RPS6KA5: variants seen among roughly 807,000 people sequenced by gnomAD.
RPS6KA5 encodes ribosomal protein S6 kinase alpha-5.
In RPS6KA5, 27 loss-of-function variants were observed where a neutral mutation model predicts 85.5. The ratio of observed to expected loss-of-function variants is 0.32; its 90% confidence interval spans 0.23 to 0.44. The LOEUF (loss-of-function observed/expected upper bound fraction) is 0.44. RPS6KA5 is among the 20% of genes least tolerant of loss of function. The pLI is 1.00. For missense variants in RPS6KA5, 811 were observed against 980.9 expected (o/e 0.83, Z 2.31); for synonymous variants, 334 against 348.2 (o/e 0.96, Z 0.46).
In RPS6KA5 at chr14:91,060,333, AGTCCGCAGCTC is replaced by A; in HGVS notation, c.91_101del (p.Glu31CysfsTer2). 7.3e-7 allele frequency: 1 copy of A among 1,378,300 alleles called. No homozygotes were observed. Among genetic ancestry groups the A allele is most frequent in the Non-Finnish European group, 9.5e-7 (1 of 1,056,012 alleles). The allele number at this position is 1,378,300 out of a possible 1,614,324, so 85.4% of individuals were successfully genotyped here. A position where few individuals can be genotyped will look rare whatever the true frequency, so the allele number is the denominator to read the frequency against. The stretch of plus-strand genomic sequence containing the variant: ...CCGGCAGAGGGCGGGGTCGCTCACC[AGTCCGCAGCTC>A]GTGCTTGACAGTGAGGAGCTGCTCT... On this transcript the variant is annotated frameshift_variant and splice_region_variant, in exon 1 of 17. Transcript: ENST00000614987. LOFTEE classifies it high-confidence loss of function.
intron 7 of RPS6KA5, among the ~76,000 whole-genome samples, chr14:90,918,362 C>T (rs1361534162): frequency 6.6e-6 from 1 of 152,116 alleles, no homozygotes; most frequent in Non-Finnish European, 1.5e-5. Context: ...AATTTTTTGC[C>T]CATTTTTAAA....
chr14:90,909,158 T>C, intron 7 of RPS6KA5, among the ~76,000 whole-genome samples: 1 of 152,156 alleles, frequency 6.6e-6, no homozygotes. Context: ...ACTGCAGAAG[T>C]GGGGCTGAGG....
intron 2 of RPS6KA5, among the ~76,000 whole-genome samples, chr14:90,987,941 T>C (rs1278531106): frequency 6.6e-6 from 1 of 152,026 alleles, no homozygotes; most frequent in Non-Finnish European, 1.5e-5. Flanking sequence ...CAAGGTTCTA[T>C]GTTGTATGGT....
intron 1 of RPS6KA5, among the ~76,000 whole-genome samples, chr14:91,003,851 A>G (rs912850199): frequency 6.6e-6 from 1 of 152,110 alleles, no homozygotes; most frequent in Non-Finnish European, 1.5e-5. Context: ...TTCCACCTCA[A>G]GTTTCTGATA....
At chr14:90,883,328 TTC>T (rs1367415153) in intron 14 of RPS6KA5, among the ~76,000 whole-genome samples, 3 of 152,208 alleles carry the variant, frequency 2.0e-5, no homozygotes, top group Admixed American at 6.5e-5. Flanking sequence ...TTTTTCATTT[TTC>T]TCTCTGTTCC....
chr14:90,880,648 T>C (rs2033776604), intron 14 of RPS6KA5, among the ~76,000 whole-genome samples: 1 of 152,198 alleles, frequency 6.6e-6, no homozygotes, highest in African/African-American at 2.4e-5. Flanking sequence ...GAGTTGGGTA[T>C]TGAAGTCTCC....
intron 1 of RPS6KA5, among the ~76,000 whole-genome samples, chr14:91,058,039 A>G (rs2043395420): frequency 6.6e-6 from 1 of 152,202 alleles, no homozygotes; most frequent in South Asian, 2.1e-4. Flanking sequence ...CCAGCCTGAT[A>G]TAACTAGATG....
chr14:90,989,345 C>T (rs2040204718), intron 2 of RPS6KA5, among the ~76,000 whole-genome samples: 1 of 152,232 alleles, frequency 6.6e-6, no homozygotes, highest in Admixed American at 6.5e-5. Flanking sequence ...TACTCAAGTA[C>T]TCTACAACCG....
At chr14:90,985,704 T>C (rs561147243) in intron 2 of RPS6KA5, among the ~76,000 whole-genome samples, 1 of 152,288 alleles carries the variant, frequency 6.6e-6, no homozygotes, top group South Asian at 2.1e-4. Context: ...ACCAACTTAG[T>C]CTTATACTCC....
intron 5 of RPS6KA5, among the ~76,000 whole-genome samples, chr14:90,940,854 T>C (rs983099242): frequency 2.0e-5 from 3 of 152,170 alleles, no homozygotes; most frequent in Non-Finnish European, 4.4e-5. Flanking sequence ...GAAGTGTGCA[T>C]GCAAGGGATC....
chr14:90,851,455 C>G lies in RPS6KA5; in HGVS notation c.*20619G>C, dbSNP rs1430513502. 6.6e-6 allele frequency: 1 copy of G among 152,162 alleles called. No homozygotes were observed. Among genetic ancestry groups the G allele is most frequent in the Admixed American group, 6.5e-5 (1 of 15,282 alleles). 9.4% of individuals were successfully genotyped at this position (152,162 alleles called of 1,614,324 possible). Reference sequence around the variant, plus strand: ...ATGGATTTTTTTAATCCTCTTTAATCGATCCCTCAGTATGCTGGTGAGACA... The same window carrying G: ...ATGGATTTTTTTAATCCTCTTTAATGGATCCCTCAGTATGCTGGTGAGACA... On this transcript the variant is annotated 3_prime_UTR_variant, in exon 17 of 17. Transcript: ENST00000614987.
intron 14 of RPS6KA5, 51 bp from the exon 15 acceptor site, chr14:90,875,411 C>A: frequency 6.5e-7 from 1 of 1,527,496 alleles, no homozygotes; most frequent in Non-Finnish European, 8.9e-7. Flanking sequence ...TCTGTTAAAG[C>A]CACTCTAATA....
intron 9 of RPS6KA5, among the ~76,000 whole-genome samples, chr14:90,902,376 C>A (rs755791733): frequency 4.0e-5 from 6 of 151,550 alleles, no homozygotes; most frequent in Non-Finnish European, 5.9e-5. Context: ...TCTCAGCTAT[C>A]CCAGAGGCTA....
At chr14:90,897,936 CTT>C (rs1335754791) in intron 12 of RPS6KA5, among the ~76,000 whole-genome samples, 2 of 152,136 alleles carry the variant, frequency 1.3e-5, no homozygotes, top group African/African-American at 4.8e-5. Flanking sequence ...ATTACCTCCT[CTT>C]GTGTCGAGTG....
chr14:90,941,183 G>C (rs886773846), intron 5 of RPS6KA5, among the ~76,000 whole-genome samples: 5 of 152,296 alleles, frequency 3.3e-5, no homozygotes, highest in Middle Eastern at 3.4e-3. Flanking sequence ...TAGCATTATA[G>C]AGGAAATTAA....
chr14:90,967,452 A>G (rs1360907817), intron 3 of RPS6KA5, among the ~76,000 whole-genome samples: 2 of 152,208 alleles, frequency 1.3e-5, no homozygotes, highest in Non-Finnish European at 2.9e-5. Context: ...TACAATTTAT[A>G]GACTTGAAAA....
chr14:90,964,928 A>C (rs2038983528), intron 3 of RPS6KA5, among the ~76,000 whole-genome samples: 2 of 148,596 alleles, frequency 1.3e-5, no homozygotes, highest in Non-Finnish European at 3.0e-5. Flanking sequence ...AAAAAAAAAA[A>C]AAAAAAACCA....
chr14:91,045,706 CCA>C (rs2042844991), intron 1 of RPS6KA5, among the ~76,000 whole-genome samples: 1 of 152,102 alleles, frequency 6.6e-6, no homozygotes, highest in Non-Finnish European at 1.5e-5. Flanking sequence ...ATCTCTATAC[CCA>C]CTCTCCTCAC....
At chr14:90,968,916 T>C (rs2039197009) in intron 3 of RPS6KA5, among the ~76,000 whole-genome samples, 1 of 152,230 alleles carries the variant, frequency 6.6e-6, no homozygotes, top group African/African-American at 2.4e-5. Flanking sequence ...TTAATTTAGG[T>C]CACACATCTT....
Sources: gnomAD v4.1 joint callset for allele counts (sites outside exome capture counted in the v4.1 genomes callset) on GRCh38, gnomAD v4.1.1 for gene constraint, MANE v1.5 for transcripts, NCBI Gene and HGNC (gene_info 2026-07-23, HGNC 2026-07-21) for gene names.